Variants in TFDP1 observed in about 807,000 individuals in gnomAD.
The protein encoded by TFDP1 is DRTF1-polypeptide 1.
TFDP1 carries 6 observed loss-of-function variants against 48.0 expected under a neutral mutation model. The observed-to-expected ratio is 0.13, with a 90% CI of 0.07 to 0.25. TFDP1 has a LOEUF of 0.25. Among genes scored for constraint, TFDP1 ranks in the 10% least tolerant of loss-of-function variants. The probability of loss-of-function intolerance (pLI) is 1.00; values close to 1 mark genes in which losing one functional copy is unlikely to be tolerated. For synonymous variants in TFDP1, 201 were observed against 211.6 expected, an observed-to-expected ratio of 0.95 and a Z score of 0.44; for missense variants, 335 against 543.0, an observed-to-expected ratio of 0.62 and a Z score of 3.81.
At position 113,640,440 on chromosome 13, in the gene TFDP1, G is replaced by A. The variant is rs146046782; in HGVS notation, c.*173G>A. Reference sequence around the variant, plus strand: ...GGATTGTTTCCCGTAGGATTAGGACGTGCTGTGGATGTGTGTTTTGATACC... The same window carrying A: ...GGATTGTTTCCCGTAGGATTAGGACATGCTGTGGATGTGTGTTTTGATACC... On this transcript the variant is annotated 3_prime_UTR_variant, in exon 12 of 12. Coordinates refer to ENST00000375370, the MANE Select transcript of TFDP1 (RefSeq NM_007111.5). 1.6e-5 allele frequency: 17 copies of A among 1,083,154 alleles called. No individual in the cohort carries two copies. In the East Asian group the frequency reaches 2.1e-4, roughly 13 times the overall value. The allele number at this position is 1,083,154 out of a possible 1,614,324, so 67.1% of individuals were successfully genotyped here.
At chr13:113,617,242 G>A (rs570720060) in intron 3 of TFDP1, among the ~76,000 whole-genome samples, 2 of 152,358 alleles carry the variant, frequency 1.3e-5, no homozygotes, top group East Asian at 1.9e-4. Flanking sequence ...CATTCCAGGA[G>A]CTCAGGTTTC....
At chr13:113,620,662 A>T (rs1009206915) in intron 3 of TFDP1, among the ~76,000 whole-genome samples, 2 of 152,228 alleles carry the variant, frequency 1.3e-5, no homozygotes, top group East Asian at 3.8e-4. Flanking sequence ...TGTGCATCCA[A>T]TCATCACTGG....
At chr13:113,631,282 T>C (rs532401663) in intron 4 of TFDP1, among the ~76,000 whole-genome samples, 35 of 152,366 alleles carry the variant, frequency 2.3e-4, no homozygotes, top group African/African-American at 8.4e-4. Context: ...CCCCCTTCAT[T>C]AAACTTGACC....
intron 2 of TFDP1, among the ~76,000 whole-genome samples, chr13:113,599,360 G>T (rs1469724220): frequency 1.3e-5 from 2 of 152,206 alleles, no homozygotes; most frequent in Non-Finnish European, 2.9e-5. Flanking sequence ...CTCAGAGATA[G>T]TCATTCACTC....
Position 113,633,668 on chromosome 13 carries a change from G to A in TFDP1, c.475-222G>A, listed in dbSNP as rs138865187. Among the ~76,000 whole-genome samples, 165 of 152,230 alleles carry A rather than the reference G, an allele frequency of 1.1e-3. 1 individual carries two copies. The highest frequency in any genetic ancestry group is 3.9e-3 in the African/African-American group (163 of 41,546). On this transcript the variant is annotated intron_variant, in intron 6 of 11. Transcript: ENST00000375370. This position sits in a 1 kb window ranked among gnomAD's most constrained non-coding sequence, Gnocchi z 4.5. ...AATGCCCACCTCACCAGCTGGGCTC[G>A]ACACCCGAGAGCCCCCGGCTCTCCT...
chr13:113,625,790 C>T (rs75911130), intron 4 of TFDP1, among the ~76,000 whole-genome samples: 635 of 9,664 alleles, frequency 0.066, 3 homozygotes, highest in East Asian at 0.18. Flanking sequence ...TGTCCTCAGG[C>T]GTCTCTCACG....
intron 3 of TFDP1, among the ~76,000 whole-genome samples, chr13:113,616,811 G>T (rs1015381390): frequency 6.6e-6 from 1 of 152,198 alleles, no homozygotes; most frequent in African/African-American, 2.4e-5. Context: ...GTTATAGGAA[G>T]GGAGGGTATA....
chr13:113,603,017 A>G lies in TFDP1; in HGVS notation c.13-7979A>G, dbSNP rs529403460. The stretch of plus-strand genomic sequence containing the variant: ...AATTTACAAATTTGTGTTGGGCTGC[A>G]TGCAGAGGTGTCCTGGACCACATGC... On this transcript the variant is annotated intron_variant, in intron 2 of 11. Coordinates refer to ENST00000375370, the MANE Select transcript of TFDP1 (RefSeq NM_007111.5). 1.7e-4 allele frequency among the ~76,000 whole-genome samples: 26 copies of G among 151,244 alleles called. No homozygotes were observed. In the South Asian group the frequency reaches 2.3e-3, roughly 13 times the overall value.
In TFDP1 at chr13:113,591,974, C is replaced by T. The variant is rs4150693; in HGVS notation, c.12+6125C>T. On this transcript the variant is annotated intron_variant, in intron 2 of 11. Transcript: ENST00000375370. ...GCATCCGCCCTTTGTACCTTTTTCC[C>T]GACTGGCTGAGATTCCCGCAGCATC... 4.0e-3 allele frequency among the ~76,000 whole-genome samples: 602 copies of T among 152,294 alleles called. 7 individuals carry two copies. Among genetic ancestry groups the T allele is most frequent in the African/African-American group, 0.014 (564 of 41,560 alleles).
chr13:113,625,315 C>T (rs371187659), intron 4 of TFDP1, among the ~76,000 whole-genome samples: 1 of 51,834 alleles, frequency 1.9e-5, no homozygotes, highest in Non-Finnish European at 3.3e-5. Flanking sequence ...CGTGTCCTCA[C>T]GTGTTTCTCA....
At chr13:113,597,291 A>G (rs2048309881) in intron 2 of TFDP1, among the ~76,000 whole-genome samples, 1 of 152,258 alleles carries the variant, frequency 6.6e-6, no homozygotes, top group South Asian at 2.1e-4. Context: ...TGATAAATAA[A>G]TAGATGAATG....
At chr13:113,585,666 T>G in intron 1 of TFDP1, 108 bp from the exon 2 acceptor site, 2 of 630,398 alleles carry the variant, frequency 3.2e-6, no homozygotes, top group South Asian at 2.2e-5. Context: ...GAGGGTGCCT[T>G]TGGGAAGGAA....
At position 113,622,674 on chromosome 13, in the gene TFDP1, A is replaced by G. The variant is rs111498486; in HGVS notation, c.80-506A>G. Among the ~76,000 whole-genome samples, 183 of 152,288 alleles carry G rather than the reference A, an allele frequency of 1.2e-3. 1 individual carries two copies. The highest frequency in any genetic ancestry group is 4.0e-3 in the African/African-American group (166 of 41,554). On this transcript the variant is annotated intron_variant, in intron 3 of 11. Coordinates refer to ENST00000375370, the MANE Select transcript of TFDP1 (RefSeq NM_007111.5). ...AGAGGGGTCTCCCGCTTGCTTCACC[A>G]GTGTTCTGAGGGCACCTGCATGTTT...
chr13:113,616,132 G>A (rs187108404), intron 3 of TFDP1, among the ~76,000 whole-genome samples: 3 of 151,710 alleles, frequency 2.0e-5, no homozygotes, highest in Admixed American at 2.0e-4. Context: ...GAACCCTGTA[G>A]GCGGAGGTTG....
intron 3 of TFDP1, among the ~76,000 whole-genome samples, chr13:113,614,139 T>C (rs2048793794): frequency 6.7e-6 from 1 of 150,370 alleles, no homozygotes; most frequent in South Asian, 2.1e-4. Context: ...CATGGAGTGT[T>C]ATGTGCGTGT....
At chr13:113,634,979 C>T (rs749035424) in intron 8 of TFDP1, among the ~76,000 whole-genome samples, 10 of 152,144 alleles carry the variant, frequency 6.6e-5, no homozygotes, top group Non-Finnish European at 1.3e-4. Flanking sequence ...TCTAAATAGG[C>T]AAAAGACAGA....
intron 3 of TFDP1, among the ~76,000 whole-genome samples, chr13:113,611,483 T>C (rs2140402897): frequency 6.6e-6 from 1 of 152,386 alleles, no homozygotes; most frequent in East Asian, 1.9e-4. Context: ...ACTTGCCACC[T>C]TTAACGCTTC....
Position 113,585,866 on chromosome 13 carries a change from C to T in TFDP1, c.12+17C>T, listed in dbSNP as rs767604911. Reference sequence around the variant, plus strand: ...GCAAAAGATGTAAGTATGTTTGCTTCATGCTGCACACGAATGTTTGCCTCG... The same window carrying T: ...GCAAAAGATGTAAGTATGTTTGCTTTATGCTGCACACGAATGTTTGCCTCG... On this transcript the variant is annotated intron_variant, in intron 2 of 11. Transcript: ENST00000375370. The T allele has an allele frequency of 1.9e-6, 3 of 1,599,918 alleles. No individual in the cohort carries two copies. Among genetic ancestry groups the T allele is most frequent in the Non-Finnish European group, 2.6e-6 (3 of 1,169,004 alleles).
At chr13:113,628,447 C>T (rs770919556) in intron 4 of TFDP1, among the ~76,000 whole-genome samples, 15 of 152,238 alleles carry the variant, frequency 9.9e-5, no homozygotes, top group Admixed American at 2.0e-4. Flanking sequence ...CAGCGAGAGG[C>T]GGGTGAGGGA....
Sources: gnomAD v4.1 joint callset for allele counts (sites outside exome capture counted in the v4.1 genomes callset) on GRCh38, gnomAD v4.1.1 for gene constraint, Gnocchi (gnomAD v3.1) non-coding constraint, MANE v1.5 for transcripts, NCBI Gene and HGNC (gene_info 2026-07-23, HGNC 2026-07-21) for gene names.